The following PLCE1 variants were observed in gnomAD, a reference collection of about 807,000 sequenced individuals.
PLCE1 encodes the protein 1-phosphatidylinositol 4,5-bisphosphate phosphodiesterase epsilon-1.
In PLCE1, 119 loss-of-function variants were observed where a neutral mutation model predicts 242.8. The ratio of observed to expected loss-of-function variants is 0.49; its 90% confidence interval spans 0.42 to 0.57. The LOEUF (loss-of-function observed/expected upper bound fraction) is 0.57, where lower values mean the gene tolerates loss of function less well. PLCE1 is among the 20% of genes least tolerant of loss of function. The pLI, the probability that PLCE1 is intolerant of heterozygous loss-of-function variation, is 0.00. For synonymous variants in PLCE1, 945 were observed against 1,017.4 expected (o/e 0.93, Z 1.35); for missense variants, 2,441 against 2,788.8 (o/e 0.88, Z 2.81).
At chr10:93,996,555 C>A (rs1367897107) in intron 1 of PLCE1, among the ~76,000 whole-genome samples, 1 of 152,090 alleles carries the variant, frequency 6.6e-6, no homozygotes, top group East Asian at 1.9e-4. Context: ...AAGACGATAT[C>A]AAAGATGCAT....
At chr10:94,033,004 A>C (rs529985165) in intron 2 of PLCE1, among the ~76,000 whole-genome samples, 1 of 152,270 alleles carries the variant, frequency 6.6e-6, no homozygotes, top group East Asian at 1.9e-4. Flanking sequence ...AAAATAACAC[A>C]GATTTTACAA....
intron 1 of PLCE1, among the ~76,000 whole-genome samples, chr10:94,012,468 A>G (rs965436654): frequency 6.6e-6 from 1 of 151,926 alleles, no homozygotes; most frequent in Admixed American, 6.6e-5. Context: ...GAAACTGGAG[A>G]GAGGTATCAA....
chr10:94,319,282 T>C (rs907494959), intron 29 of PLCE1, among the ~76,000 whole-genome samples: 6 of 152,184 alleles, frequency 3.9e-5, no homozygotes, highest in Admixed American at 3.3e-4. Flanking sequence ...TGTATCTAGG[T>C]TTACCTGGTG....
chr10:94,115,990 A>G (rs1008199245), intron 2 of PLCE1, among the ~76,000 whole-genome samples: 1 of 152,206 alleles, frequency 6.6e-6, no homozygotes, highest in African/African-American at 2.4e-5. Flanking sequence ...CAAGCACTTT[A>G]TAGGGCCATG....
chr10:94,098,018 A>G (rs1325379177), intron 2 of PLCE1, among the ~76,000 whole-genome samples: 1 of 152,224 alleles, frequency 6.6e-6, no homozygotes, highest in Non-Finnish European at 1.5e-5. Context: ...GTCAGTCTGA[A>G]GTAGCCTGAT....
At chr10:94,087,346 T>A (rs1448232183) in intron 2 of PLCE1, among the ~76,000 whole-genome samples, 2 of 101,718 alleles carry the variant, frequency 2.0e-5, no homozygotes, top group African/African-American at 1.1e-4. Context: ...CGAGACCCTG[T>A]CTCAAAAAAA....
chr10:94,283,593 A>G, intron 20 of PLCE1, 197 bp from the exon 21 acceptor site: 9 of 487,128 alleles, frequency 1.8e-5, no homozygotes, highest in South Asian at 1.6e-4. Context: ...AAATAAATCA[A>G]TTAAATTGAA....
intron 2 of PLCE1, among the ~76,000 whole-genome samples, chr10:94,125,423 C>T (rs975690598): frequency 4.0e-5 from 6 of 151,666 alleles, no homozygotes; most frequent in Non-Finnish European, 5.9e-5. Flanking sequence ...GACAGAGTCT[C>T]GCTTTGTTCC....
At chr10:94,258,961 C>G in intron 12 of PLCE1, 39 bp downstream of exon 12, 2 of 1,614,012 alleles carry the variant, frequency 1.2e-6, no homozygotes, top group South Asian at 2.2e-5. Context: ...TTCTCAGGCC[C>G]CCCCATTTCT....
chr10:94,274,936 AG>A (rs1401624631), intron 19 of PLCE1, among the ~76,000 whole-genome samples: 2 of 152,142 alleles, frequency 1.3e-5, no homozygotes, highest in Non-Finnish European at 2.9e-5. Flanking sequence ...CTGACCACCC[AG>A]TGTGGTGCTT....
chr10:94,124,477 C>T (rs2046385951), intron 2 of PLCE1, among the ~76,000 whole-genome samples: 1 of 151,306 alleles, frequency 6.6e-6, no homozygotes, highest in Non-Finnish European at 1.5e-5. Context: ...GAGATAATAA[C>T]TGGCCAGCCT....
intron 1 of PLCE1, among the ~76,000 whole-genome samples, chr10:94,020,925 C>T (rs1364013007): frequency 1.3e-5 from 2 of 152,046 alleles, no homozygotes; most frequent in African/African-American, 4.8e-5. Flanking sequence ...CACCTCCTGG[C>T]TTCAAGTGAT....
intron 2 of PLCE1, among the ~76,000 whole-genome samples, chr10:94,092,077 A>G (rs1471155623): frequency 1.3e-5 from 2 of 152,220 alleles, no homozygotes; most frequent in African/African-American, 2.4e-5. Flanking sequence ...GGTCTGATGC[A>G]AGGAACGGAA....
intron 2 of PLCE1, among the ~76,000 whole-genome samples, chr10:94,071,515 T>TTTTTTC (rs1380384623): frequency 6.9e-6 from 1 of 145,808 alleles, no homozygotes; most frequent in Non-Finnish European, 1.5e-5. Context: ...TTTTTTTTTT[T>TTTTTTC]TGAGTCACTC....
intron 2 of PLCE1, chr10:94,089,018 C>T: frequency 6.7e-7 from 1 of 1,492,796 alleles, no homozygotes; most frequent in Non-Finnish European, 9.2e-7. Flanking sequence ...CTAATGTAAA[C>T]ACTCATCACC....
Position 94,146,090 on chromosome 10 carries a change from A to G in PLCE1, c.1492+13631A>G, listed in dbSNP as rs564953962. The stretch of plus-strand genomic sequence containing the variant: ...TTTGAACCTAAAGCATTAGAGAGCC[A>G]TTGCAGACCCTTAAGCAGGTTGAAT... On this transcript the variant is annotated intron_variant, in intron 3 of 32. Transcript: ENST00000371380. 6.4e-4 allele frequency among the ~76,000 whole-genome samples: 98 copies of G among 152,316 alleles called. No individual in the cohort carries two copies. In the South Asian group the frequency reaches 0.02, roughly 31 times the overall value.
chr10:94,126,178 T>C (rs1474885353), intron 2 of PLCE1, among the ~76,000 whole-genome samples: 6 of 152,172 alleles, frequency 3.9e-5, no homozygotes. Context: ...CTGTGTCAAA[T>C]CATTTTGCCC....
Position 94,318,160 on chromosome 10 carries a change from C to CA in PLCE1, c.6342+1411dup, listed in dbSNP as rs1057166296. On this transcript the variant is annotated intron_variant, in intron 29 of 32. Coordinates refer to ENST00000371380, the MANE Select transcript of PLCE1 (RefSeq NM_016341.4). ...ACAATGAAAGGGCATTTAATTTAAG[C>CA]AAAAAAATGTAATTGTCTCCCCAGC... 2.9e-4 allele frequency among the ~76,000 whole-genome samples: 44 copies of CA among 152,104 alleles called. 1 individual carries two copies. Among genetic ancestry groups the CA allele is most frequent in the African/African-American group, 1.0e-3 (42 of 41,516 alleles).
intron 4 of PLCE1, among the ~76,000 whole-genome samples, chr10:94,223,835 GA>G (rs537635608): frequency 2.1e-4 from 32 of 152,228 alleles, no homozygotes; most frequent in Non-Finnish European, 4.3e-4. Flanking sequence ...ATATTTATAT[GA>G]TTTTTTTGTT....
Sources: allele counts gnomAD v4.1 joint callset (sites outside exome capture counted in the v4.1 genomes callset), GRCh38; gene constraint gnomAD v4.1.1; transcripts MANE v1.5; gene names NCBI Gene and HGNC (gene_info 2026-07-23, HGNC 2026-07-21).